Variants in EZR observed in about 807,000 individuals in gnomAD.
EZR encodes cytovillin 2.
In EZR, 40 loss-of-function variants were observed where a neutral mutation model predicts 74.8. That is an observed-to-expected ratio of 0.53 (90% CI 0.42 to 0.70). The LOEUF (loss-of-function observed/expected upper bound fraction) is 0.70. Among genes scored for constraint, EZR ranks in the 30% least tolerant of loss-of-function variants. The pLI, the probability that EZR is intolerant of heterozygous loss-of-function variation, is 0.00. For missense variants in EZR, 678 were observed against 755.8 expected (o/e 0.90, Z 1.21); for synonymous variants, 341 against 283.3 (o/e 1.20, Z -2.05).
chr6:158,789,986 G>A (rs111558052), intron 2 of EZR, among the ~76,000 whole-genome samples: 384 of 152,226 alleles, frequency 2.5e-3, no homozygotes, highest in African/African-American at 8.7e-3. Context: ...CATCTCATAT[G>A]AGCCTTACGA....
chr6:158,812,036 C>A (rs1777460861), intron 2 of EZR, among the ~76,000 whole-genome samples: 2 of 132,588 alleles, frequency 1.5e-5, no homozygotes, highest in Admixed American at 1.4e-4. Context: ...TGAGAGACCA[C>A]TGGGCACTGC....
intron 2 of EZR, among the ~76,000 whole-genome samples, chr6:158,803,166 CAG>C (rs1451527080): frequency 6.7e-6 from 1 of 150,206 alleles, no homozygotes; most frequent in East Asian, 1.9e-4. Flanking sequence ...AGTATTGACA[CAG>C]AAGTGGGGGC....
chr6:158,818,686 G>A (rs1368549857), intron 1 of EZR, among the ~76,000 whole-genome samples: 1 of 151,382 alleles, frequency 6.6e-6, no homozygotes, highest in East Asian at 2.0e-4. Context: ...CGCGGGCCCA[G>A]GGATACCCGG....
intron 2 of EZR, among the ~76,000 whole-genome samples, chr6:158,801,309 T>C (rs146974802): frequency 0.018 from 2,704 of 152,230 alleles, 269 homozygotes; most frequent in Admixed American, 0.16. Flanking sequence ...GAGACGGGGT[T>C]TCACCATGTT....
In EZR at chr6:158,776,514, A is replaced by G; in HGVS notation, c.699-10T>C. ...AATCTTTGGGGTTAACCTGAGGTTA[A>G]AAAGAAGAAGTGGATGGTTAGATGT... On this transcript the variant is annotated splice_polypyrimidine_tract_variant and intron_variant, in intron 7 of 13. Coordinates refer to ENST00000367075, the MANE Select transcript of EZR (RefSeq NM_001111077.2). 1 of 1,600,978 alleles carries G rather than the reference A, an allele frequency of 6.2e-7. No homozygotes were observed.
intron 3 of EZR, among the ~76,000 whole-genome samples, chr6:158,787,712 G>A (rs534484396): frequency 6.6e-6 from 1 of 152,334 alleles, no homozygotes; most frequent in South Asian, 2.1e-4. Flanking sequence ...TAGGAACAGG[G>A]ACAAAGAAAT....
intron 7 of EZR, among the ~76,000 whole-genome samples, chr6:158,777,509 T>C (rs1486102452): frequency 6.6e-6 from 1 of 152,242 alleles, no homozygotes; most frequent in African/African-American, 2.4e-5. Flanking sequence ...CCAACACATT[T>C]TACCAGGGAT....
At chr6:158,781,079 C>A (rs1791420974) in intron 7 of EZR, among the ~76,000 whole-genome samples, 2 of 152,170 alleles carry the variant, frequency 1.3e-5, no homozygotes, top group Non-Finnish European at 2.9e-5. Flanking sequence ...GATCAGCTTT[C>A]TCACCTGAAC....
intron 7 of EZR, among the ~76,000 whole-genome samples, chr6:158,778,228 C>T (rs1257129127): frequency 3.3e-5 from 5 of 152,228 alleles, no homozygotes; most frequent in Admixed American, 6.5e-5. Context: ...GTGCCGCATC[C>T]TGAAACTTCA....
intron 5 of EZR, among the ~76,000 whole-genome samples, 173 bp downstream of exon 5, chr6:158,785,136 G>A (rs528760353): frequency 1.2e-4 from 18 of 152,304 alleles, no homozygotes; most frequent in African/African-American, 3.9e-4. Context: ...ATGGCAGCTC[G>A]CCTTCCCTGG....
chr6:158,783,790 G>T (rs928150146), intron 6 of EZR, 124 bp from the exon 7 acceptor site: 15 of 1,067,768 alleles, frequency 1.4e-5, no homozygotes, highest in Non-Finnish European at 1.9e-5. Flanking sequence ...TGTGTGCTGC[G>T]TGCAGGCAGG....
chr6:158,812,710 C>T (rs1302920396), intron 2 of EZR, among the ~76,000 whole-genome samples: 1 of 152,154 alleles, frequency 6.6e-6, no homozygotes, highest in Non-Finnish European at 1.5e-5. Flanking sequence ...AACTTATTAA[C>T]ATGTAACAAC....
chr6:158,807,684 A>AG (rs1395301035), intron 2 of EZR, among the ~76,000 whole-genome samples: 1 of 152,160 alleles, frequency 6.6e-6, no homozygotes, highest in African/African-American at 2.4e-5. Context: ...CTCTTGCCAA[A>AG]GCCTAGGTGA....
At chr6:158,815,241 C>A (rs753484976) in intron 2 of EZR, among the ~76,000 whole-genome samples, 6 of 152,196 alleles carry the variant, frequency 3.9e-5, no homozygotes, top group Non-Finnish European at 7.3e-5. Context: ...AAACCCCAAA[C>A]CAAACCAAAA....
At chr6:158,806,865 A>G (rs1272671733) in intron 2 of EZR, among the ~76,000 whole-genome samples, 1 of 152,188 alleles carries the variant, frequency 6.6e-6, no homozygotes, top group Admixed American at 6.5e-5. Flanking sequence ...CCAGCAGCCA[A>G]CACCCTTAAT....
chr6:158,783,427 A>G, intron 7 of EZR, 93 bp downstream of exon 7: 3 of 1,249,922 alleles, frequency 2.4e-6, no homozygotes, highest in Admixed American at 4.1e-5. Context: ...TGCTAAATAA[A>G]TACTTCAAAA....
In EZR at chr6:158,811,810, G is replaced by A. The variant is rs369466638; in HGVS notation, c.12+6272C>T. ...CCAAGGGTGGGGGCCGGGGCACTGA[G>A]GCTGCAGTGAGCTGTGACTGTGCCA... On this transcript the variant is annotated intron_variant, in intron 2 of 13. Coordinates refer to ENST00000367075, the MANE Select transcript of EZR (RefSeq NM_001111077.2). Among the ~76,000 whole-genome samples the A allele has an allele frequency of 4.8e-4, 73 of 151,840 alleles. No individual in the cohort carries two copies. The South Asian group carries it at 0.011, about 23-fold the overall frequency.
intron 2 of EZR, among the ~76,000 whole-genome samples, chr6:158,798,228 G>A (rs1327539079): frequency 6.8e-6 from 1 of 148,040 alleles, no homozygotes. Flanking sequence ...CCATTCAGGT[G>A]ATGGACATTT....
chr6:158,793,187 GA>G (rs1791788220), intron 2 of EZR, among the ~76,000 whole-genome samples: 1 of 136,858 alleles, frequency 7.3e-6, no homozygotes, highest in African/African-American at 2.8e-5. Flanking sequence ...GGAGTGCAGT[GA>G]GCTATGATCG....
Sources: gnomAD v4.1 joint callset for allele counts (sites outside exome capture counted in the v4.1 genomes callset) on GRCh38, gnomAD v4.1.1 for gene constraint, MANE v1.5 for transcripts, NCBI Gene and HGNC (gene_info 2026-07-23, HGNC 2026-07-21) for gene names.